PDE4D: variants seen among roughly 807,000 people sequenced by gnomAD.
PDE4D encodes the protein phosphodiesterase 4D, also known as 3',5'-cyclic-AMP phosphodiesterase 4D.
PDE4D carries 24 observed loss-of-function variants against 87.4 expected under a neutral mutation model. The ratio of observed to expected loss-of-function variants is 0.27; its 90% CI spans 0.20 to 0.39. PDE4D has a LOEUF of 0.39. Among genes scored for constraint, PDE4D ranks in the 10% least tolerant of loss-of-function variants. PDE4D has a pLI of 1.00. For missense variants in PDE4D, 714 were observed against 1,041.0 expected (o/e 0.69, Z 4.32); for synonymous variants, 384 against 383.2 (o/e 1.00, Z -0.02).
chr5:59,971,307 C>T (rs570685002), intron 3 of PDE4D, among the ~76,000 whole-genome samples: 181 of 148,598 alleles, frequency 1.2e-3, no homozygotes, highest in African/African-American at 4.2e-3. Flanking sequence ...TGTATACATA[C>T]GTAACTAACC....
intron 1 of PDE4D, among the ~76,000 whole-genome samples, chr5:60,209,536 T>G (rs1742948236): frequency 6.6e-6 from 1 of 152,198 alleles, no homozygotes; most frequent in Non-Finnish European, 1.5e-5. Flanking sequence ...ATAATGATAA[T>G]GTCACAGGAT....
At chr5:59,872,401 T>C (rs1747963727) in intron 1 of PDE4D, among the ~76,000 whole-genome samples, 6 of 152,062 alleles carry the variant, frequency 3.9e-5, no homozygotes, top group Admixed American at 3.9e-4. Flanking sequence ...TTTTTTGCAA[T>C]AAAAAGCTAC....
At chr5:59,244,783 G>GTATA (rs147057388) in intron 1 of PDE4D, among the ~76,000 whole-genome samples, 66 of 136,796 alleles carry the variant, frequency 4.8e-4, no homozygotes, top group Admixed American at 1.0e-3. Context: ...CCATAAAAAT[G>GTATA]TATATATATA....
intron 1 of PDE4D, among the ~76,000 whole-genome samples, chr5:60,365,622 G>A (rs534540704): frequency 5.3e-5 from 8 of 152,220 alleles, no homozygotes; most frequent in African/African-American, 1.9e-4. Context: ...AAGTTTCCCT[G>A]AACAGCAAAG....
At chr5:60,511,046 T>C (rs541512536) in intron 1 of PDE4D, among the ~76,000 whole-genome samples, 1 of 152,292 alleles carries the variant, frequency 6.6e-6, no homozygotes, top group East Asian at 1.9e-4. Flanking sequence ...GAGTTCTTAC[T>C]GCAACCTCCA....
chr5:60,289,937 T>A (rs894886017), intron 1 of PDE4D, among the ~76,000 whole-genome samples: 2 of 152,096 alleles, frequency 1.3e-5, no homozygotes, highest in Non-Finnish European at 2.9e-5. Context: ...TTTCCTAAAT[T>A]GTTAAATTGG....
chr5:60,075,117 T>C (rs1387328617), intron 2 of PDE4D, among the ~76,000 whole-genome samples: 1 of 152,076 alleles, frequency 6.6e-6, no homozygotes, highest in African/African-American at 2.4e-5. Flanking sequence ...TGTGTACTTA[T>C]AGAGACACTG....
chr5:59,934,309 T>G (rs923524091), intron 3 of PDE4D, among the ~76,000 whole-genome samples: 1 of 152,192 alleles, frequency 6.6e-6, no homozygotes, highest in Non-Finnish European at 1.5e-5. Flanking sequence ...TTGTCATTTT[T>G]GTGAGGGTTA....
intron 2 of PDE4D, among the ~76,000 whole-genome samples, chr5:59,993,917 G>T (rs749144815): frequency 6.6e-6 from 1 of 151,864 alleles, no homozygotes; most frequent in Non-Finnish European, 1.5e-5. Flanking sequence ...AACTTATATG[G>T]AATAATTGAC....
At chr5:60,458,525 GTT>G (rs1746666975) in intron 1 of PDE4D, among the ~76,000 whole-genome samples, 1 of 151,674 alleles carries the variant, frequency 6.6e-6, no homozygotes, top group African/African-American at 2.4e-5. Context: ...CAAAGTTAAA[GTT>G]TTTTCAAGAC....
intron 1 of PDE4D, among the ~76,000 whole-genome samples, chr5:59,785,374 T>C (rs1475095558): frequency 6.6e-6 from 1 of 152,226 alleles, no homozygotes; most frequent in Non-Finnish European, 1.5e-5. Context: ...ACTTCATTCA[T>C]TGATTCACTA....
At position 59,313,446 on chromosome 5, in the gene PDE4D, C is replaced by T. The variant is rs147176574; in HGVS notation, c.456-97478G>A. Among the ~76,000 whole-genome samples, 437 of 152,186 alleles carry T rather than the reference C, an allele frequency of 2.9e-3. 1 individual carries two copies. Among genetic ancestry groups the T allele is most frequent in the African/African-American group, 0.01 (422 of 41,526 alleles). ...CTGGACTGATATTTCCCCCTAATAT[C>T]CCAGTTTCTCCCAGGAAAGCCAGCA... is the stretch of plus-strand genomic sequence containing the variant. On this transcript the variant is annotated intron_variant, in intron 1 of 14. Coordinates refer to ENST00000340635, the MANE Select transcript of PDE4D (RefSeq NM_001104631.2).
At chr5:59,969,831 C>A (rs557430232) in intron 3 of PDE4D, among the ~76,000 whole-genome samples, 1 of 152,230 alleles carries the variant, frequency 6.6e-6, no homozygotes, top group South Asian at 2.1e-4. Context: ...CTGAGGCCTC[C>A]CCAGCCATGC....
At chr5:60,433,629 C>G (rs977010610) in intron 1 of PDE4D, among the ~76,000 whole-genome samples, 1 of 152,152 alleles carries the variant, frequency 6.6e-6, no homozygotes, top group African/African-American at 2.4e-5. Context: ...TGCATATGTT[C>G]ATTGCAGCTC....
At chr5:59,110,554 C>T (rs539171557) in intron 5 of PDE4D, among the ~76,000 whole-genome samples, 5 of 152,328 alleles carry the variant, frequency 3.3e-5, no homozygotes, top group Admixed American at 6.5e-5. Flanking sequence ...GAGGTGCTAT[C>T]GGTATTCCTA....
chr5:60,049,629 G>A (rs1174845772), intron 2 of PDE4D, among the ~76,000 whole-genome samples: 1 of 152,186 alleles, frequency 6.6e-6, no homozygotes. Context: ...CCAGCCGTGT[G>A]AGGTGTCAGT....
At chr5:59,611,286 A>G (rs1828971891) in intron 1 of PDE4D, among the ~76,000 whole-genome samples, 1 of 152,154 alleles carries the variant, frequency 6.6e-6, no homozygotes. Context: ...GGCTTCTTTC[A>G]TAAGGGCACT....
rs1748092804 is a variant in PDE4D at position 60,474,108 on chromosome 5, A to ATATATG, written c.-90+13833_-90+13834insCATATA. ...TGTCTCAGTCCCTTTGAGCTGCCAT[A>ATATATG]TATATATATATATATATATATATAT... On this transcript the variant is annotated intron_variant, in intron 1 of 16. Transcript: ENST00000502484. Among the ~76,000 whole-genome samples, 4 of 52,312 alleles carry ATATATG rather than the reference A, an allele frequency of 7.6e-5. 1 individual carries two copies. Among genetic ancestry groups the ATATATG allele is most frequent in the Non-Finnish European group, 1.3e-4 (4 of 29,752 alleles). The allele number at this position is 52,312 out of a possible 152,430, so 34.3% of individuals were successfully genotyped here. A position where few individuals can be genotyped will look rare whatever the true frequency, so the allele number is the denominator to read the frequency against.
chr5:59,586,536 T>C, intron 1 of PDE4D: 1 of 1,395,272 alleles, frequency 7.2e-7, no homozygotes, highest in Non-Finnish European at 9.3e-7. Context: ...CCCCCACCAA[T>C]AAAAACAAAT....
Sources: allele counts gnomAD v4.1 joint callset (sites outside exome capture counted in the v4.1 genomes callset), GRCh38; gene constraint gnomAD v4.1.1; transcripts MANE v1.5; gene names NCBI Gene and HGNC (gene_info 2026-07-23, HGNC 2026-07-21).